PNKD: variants seen among roughly 807,000 people sequenced by gnomAD.
PNKD encodes PNKD metallo-beta-lactamase domain containing.
Under a neutral mutation model 45.3 loss-of-function variants are expected in PNKD, and 36 were observed. The ratio of observed to expected loss-of-function variants is 0.80; its 90% CI spans 0.61 to 1.05. The LOEUF is 1.05. PNKD is among the 50% of genes least tolerant of loss of function. PNKD has a pLI of 0.00. For synonymous variants in PNKD, 197 were observed against 210.1 expected, an observed-to-expected ratio of 0.94 and a Z score of 0.54; for missense variants, 511 against 506.6, an observed-to-expected ratio of 1.01 and a Z score of -0.08.
rs368026272 is a variant in PNKD, at chr2:218,329,572, G to A, written c.237-10211G>A. On this transcript the variant is annotated intron_variant, in intron 2 of 9. Transcript: ENST00000273077. ...CCCCTTCCGTCAGTGACAGATGGGCGTCCTCTGGAGAGGGCTGTGAAGTCT... is the reference window on the plus strand; with the variant it reads ...CCCCTTCCGTCAGTGACAGATGGGCATCCTCTGGAGAGGGCTGTGAAGTCT... Among the ~76,000 whole-genome samples the A allele has an allele frequency of 6.4e-4, 97 of 152,306 alleles. 2 individuals carry two copies. The South Asian group carries it at 0.016, about 25-fold the overall frequency.
chr2:218,279,258 T>C (rs770103234), intron 2 of PNKD: 3 of 1,562,614 alleles, frequency 1.9e-6, no homozygotes, highest in Non-Finnish European at 2.6e-6. Flanking sequence ...CCCAGGGCAG[T>C]AGGAGTGGGT....
At chr2:218,301,810 AAAAG>A in intron 2 of PNKD, among the ~76,000 whole-genome samples, 1 of 152,126 alleles carries the variant, frequency 6.6e-6, no homozygotes, top group South Asian at 2.1e-4. Flanking sequence ...AAAACGGGAG[AAAAG>A]AAAGGGGCCA....
chr2:218,322,877 C>T (rs1156596961), intron 2 of PNKD, among the ~76,000 whole-genome samples: 1 of 152,242 alleles, frequency 6.6e-6, no homozygotes, highest in Non-Finnish European at 1.5e-5. Context: ...TGGCAGCTGA[C>T]CCCGATGATC....
At chr2:218,301,815 A>G (rs1396079904) in intron 2 of PNKD, among the ~76,000 whole-genome samples, 1 of 152,046 alleles carries the variant, frequency 6.6e-6, no homozygotes. Context: ...GGGAGAAAAG[A>G]AAGGGGCCAG....
intron 2 of PNKD, 94 bp downstream of exon 2, chr2:218,271,643 G>A: frequency 3.6e-6 from 4 of 1,119,822 alleles, no homozygotes; most frequent in South Asian, 2.8e-5. Context: ...GTGGCGAGCT[G>A]AATCCAAAGT....
At chr2:218,281,608 G>C (rs1342038735) in intron 2 of PNKD, among the ~76,000 whole-genome samples, 1 of 152,228 alleles carries the variant, frequency 6.6e-6, no homozygotes, top group Non-Finnish European at 1.5e-5. Flanking sequence ...GCAGCAGCTT[G>C]TTGGCCGCTT....
chr2:218,344,563 AG>A lies in PNKD; in HGVS notation c.980del (p.Gly327AlafsTer17), dbSNP rs1694774142. 1 of 1,588,982 alleles carries A rather than the reference AG, an allele frequency of 6.3e-7. No individual in the cohort carries two copies. Among genetic ancestry groups the A allele is most frequent in the African/African-American group, 1.3e-5 (1 of 74,386 alleles). ...GTGCAGCGGCAGCGGCTGGAGCGCA[AG>A]GGCACGGTGAGGGACTCGGGGTCCA... ...QWVQRQRLER[K>X]GTCPSTLGEE... On this transcript the variant is annotated frameshift_variant, in exon 9 of 10. Transcript: ENST00000273077. LOFTEE classifies it high-confidence loss of function.
At chr2:218,332,811 C>G (rs1442895814) in intron 2 of PNKD, among the ~76,000 whole-genome samples, 1 of 152,168 alleles carries the variant, frequency 6.6e-6, no homozygotes, top group Admixed American at 6.5e-5. Flanking sequence ...CCTGTGCACC[C>G]TGTTCTAACA....
chr2:218,295,188 G>C (rs2106247867), intron 2 of PNKD, among the ~76,000 whole-genome samples: 1 of 152,138 alleles, frequency 6.6e-6, no homozygotes, highest in East Asian at 1.9e-4. Flanking sequence ...GCTGGCAATA[G>C]GCATTCGATA....
At chr2:218,274,103 AC>A (rs1345912743) in intron 2 of PNKD, 1 of 154,890 alleles carries the variant, frequency 6.5e-6, no homozygotes, top group African/African-American at 2.4e-5. Context: ...GTATTTGATT[AC>A]CTTGGAAAAG....
chr2:218,273,997 T>C (rs1010691508), intron 2 of PNKD, among the ~76,000 whole-genome samples: 6 of 152,116 alleles, frequency 3.9e-5, no homozygotes, highest in African/African-American at 1.4e-4. Context: ...TATCCAGTGA[T>C]CCAGTGTGAT....
Position 218,344,860 on chromosome 2 carries a change from A to C in PNKD, c.1037A>C (p.His346Pro). 6.2e-7 allele frequency: 1 copy of C among 1,613,988 alleles called. No individual in the cohort carries two copies. The highest frequency in any genetic ancestry group is 8.5e-7 in the Non-Finnish European group (1 of 1,179,870). Residue 346 changes from histidine to proline, a missense_variant, in exon 10 of 10, where the codon CAC becomes CCC. Physicochemically the swap from His to Pro is moderately conservative, Grantham distance 77. Coordinates refer to ENST00000273077, the MANE Select transcript of PNKD (RefSeq NM_015488.5). ...ERSYNPFLRT[H>P]CLALQEALGP... ...TCCTACAACCCGTTCCTGAGAACCC[A>C]CTGCCTGGCGCTACAGGAGGCTCTG...
intron 2 of PNKD, chr2:218,276,143 C>A: frequency 6.4e-7 from 1 of 1,561,040 alleles, no homozygotes. Context: ...CCACAGGCCC[C>A]AGCTTCCCCC....
chr2:218,329,110 G>A (rs1165611300), intron 2 of PNKD, among the ~76,000 whole-genome samples: 1 of 152,244 alleles, frequency 6.6e-6, no homozygotes, highest in African/African-American at 2.4e-5. Context: ...TCAGGAGGCC[G>A]AGGCAGGAGA....
chr2:218,336,141 GGAGGCA>G (rs1165278475), intron 2 of PNKD, among the ~76,000 whole-genome samples: 2 of 144,344 alleles, frequency 1.4e-5, no homozygotes, highest in Non-Finnish European at 3.0e-5. Context: ...CTTGAACCCG[GGAGGCA>G]GAGGTTGCAG....
At chr2:218,280,201 C>G (rs1691746920) in intron 2 of PNKD, 1 of 1,085,326 alleles carries the variant, frequency 9.2e-7, no homozygotes, top group Non-Finnish European at 1.4e-6. Context: ...CCCTGACAAT[C>G]TCAAAGTCTC....
chr2:218,340,070 A>G lies in PNKD; in HGVS notation c.394A>G (p.Ser132Gly). ...CATCCCTGTCCTCTCGGACAACTAC[A>G]GCTACCTCATCATCGACACCCAGGC... ...LPIPVLSDNY[S>G]YLIIDTQAQL... is the part of the protein sequence containing the mutation. Residue 132 changes from serine (S) to glycine (G), a missense_variant, in exon 4 of 10, where the codon AGC becomes GGC. By Grantham distance (56) the Ser-to-Gly change is moderately conservative (BLOSUM62 0). Transcript: ENST00000273077. This position sits in a 1 kb window ranked among gnomAD's most constrained non-coding sequence, Gnocchi z 4.2. The G allele has an allele frequency of 6.2e-7, 1 of 1,613,748 alleles. No individual in the cohort carries two copies. Among genetic ancestry groups the G allele is most frequent in the African/African-American group, 1.3e-5 (1 of 74,984 alleles).
intron 2 of PNKD, among the ~76,000 whole-genome samples, chr2:218,325,774 TC>T (rs1208325037): frequency 1.3e-5 from 2 of 152,170 alleles, no homozygotes; most frequent in Non-Finnish European, 2.9e-5. Context: ...TTTACAAATC[TC>T]CAAAACTCTA....
intron 2 of PNKD, among the ~76,000 whole-genome samples, chr2:218,338,676 G>T (rs1208638641): frequency 6.6e-6 from 1 of 150,872 alleles, no homozygotes; most frequent in Non-Finnish European, 1.5e-5. Context: ...TAGAGACGGG[G>T]TTTCACCATG....
Sources: allele counts gnomAD v4.1 joint callset (sites outside exome capture counted in the v4.1 genomes callset), GRCh38; gene constraint gnomAD v4.1.1; non-coding constraint Gnocchi (gnomAD v3.1); transcripts MANE v1.5; gene names NCBI Gene and HGNC (gene_info 2026-07-23, HGNC 2026-07-21).